RAB11FIP4: variants seen among roughly 807,000 people sequenced by gnomAD.
The protein encoded by RAB11FIP4 is rab11 family-interacting protein 4.
In RAB11FIP4, 23 loss-of-function variants were observed where a neutral mutation model predicts 74.3. That is an observed-to-expected ratio of 0.31 (90% CI 0.22 to 0.44). The LOEUF is 0.44. RAB11FIP4 is among the 20% of genes least tolerant of loss of function. The pLI, the probability that RAB11FIP4 is intolerant of heterozygous loss-of-function variation, is 1.00. For synonymous variants in RAB11FIP4, 360 were observed against 359.9 expected, an observed-to-expected ratio of 1.00 and a Z score of 0.00; for missense variants, 630 against 863.9, an observed-to-expected ratio of 0.73 and a Z score of 3.39.
At chr17:31,521,606 A>C (rs949225646) in intron 5 of RAB11FIP4, among the ~76,000 whole-genome samples, 2 of 151,998 alleles carry the variant, frequency 1.3e-5, no homozygotes, top group Admixed American at 6.6e-5. Context: ...GTCATCTTGT[A>C]TCCTAGAACC....
intron 3 of RAB11FIP4, among the ~76,000 whole-genome samples, chr17:31,437,843 G>A (rs964834368): frequency 3.2e-4 from 48 of 152,254 alleles, no homozygotes; most frequent in Middle Eastern, 3.4e-3. Flanking sequence ...GGCCCCTGGG[G>A]TTGCTGTCCA....
At chr17:31,412,653 G>A (rs1466191663) in intron 1 of RAB11FIP4, among the ~76,000 whole-genome samples, 2 of 152,172 alleles carry the variant, frequency 1.3e-5, no homozygotes, top group Non-Finnish European at 2.9e-5. Context: ...GCTGCCCACA[G>A]AGCCTGGGAG....
At chr17:31,398,509 G>T (rs935987249) in intron 1 of RAB11FIP4, among the ~76,000 whole-genome samples, 1 of 152,310 alleles carries the variant, frequency 6.6e-6, no homozygotes, top group Admixed American at 6.5e-5. Context: ...GACCTGAATG[G>T]GGGACATATA....
At chr17:31,394,834 G>A (rs1597892997) in intron 1 of RAB11FIP4, among the ~76,000 whole-genome samples, 1 of 149,290 alleles carries the variant, frequency 6.7e-6, no homozygotes, top group African/African-American at 2.5e-5. Flanking sequence ...TGTATTGACC[G>A]AGACCCGTGG....
intron 3 of RAB11FIP4, among the ~76,000 whole-genome samples, chr17:31,477,709 T>C (rs1354970029): frequency 6.6e-6 from 1 of 152,182 alleles, no homozygotes; most frequent in Non-Finnish European, 1.5e-5. Context: ...GATGGTTACT[T>C]TGGGGAAGTT....
chr17:31,403,659 C>T (rs2071016842), intron 1 of RAB11FIP4, among the ~76,000 whole-genome samples: 1 of 152,172 alleles, frequency 6.6e-6, no homozygotes, highest in African/African-American at 2.4e-5. Flanking sequence ...GTCATCACGG[C>T]AACCAGGAGC....
intron 14 of RAB11FIP4, among the ~76,000 whole-genome samples, chr17:31,530,815 C>T (rs2072858176): frequency 6.6e-6 from 1 of 152,186 alleles, no homozygotes; most frequent in Admixed American, 6.5e-5. Flanking sequence ...AGAGGGAGGA[C>T]ATTAGCATTT....
chr17:31,531,526 G>A (rs1488290023), intron 14 of RAB11FIP4, 90 bp from the exon 15 acceptor site: 1 of 831,042 alleles, frequency 1.2e-6, no homozygotes, highest in Non-Finnish European at 2.0e-6. Context: ...CTATTGTCAG[G>A]CACTGGCCTG....
At chr17:31,464,539 C>T (rs2071665445) in intron 3 of RAB11FIP4, among the ~76,000 whole-genome samples, 2 of 152,016 alleles carry the variant, frequency 1.3e-5, no homozygotes, top group Admixed American at 1.3e-4. Context: ...GCAACCTCCA[C>T]CTCCCAGGTT....
chr17:31,475,523 C>T (rs959116780), intron 3 of RAB11FIP4, among the ~76,000 whole-genome samples: 1 of 152,220 alleles, frequency 6.6e-6, no homozygotes, highest in Non-Finnish European at 1.5e-5. Context: ...ACCCCTGTGA[C>T]ACAGATACAG....
intron 9 of RAB11FIP4, chr17:31,524,719 C>T (rs969776348): frequency 3.1e-5 from 8 of 261,618 alleles, no homozygotes; most frequent in East Asian, 1.0e-4. Context: ...TTTTGGGAGT[C>T]AAGGTGCCCA....
intron 3 of RAB11FIP4, among the ~76,000 whole-genome samples, chr17:31,457,707 G>A (rs79554585): frequency 7.2e-6 from 1 of 139,142 alleles, no homozygotes; most frequent in Non-Finnish European, 1.6e-5. Context: ...CCCCAGCCCC[G>A]CAGGTGGCCA....
intron 3 of RAB11FIP4, among the ~76,000 whole-genome samples, chr17:31,454,819 G>C (rs1011066191): frequency 5.9e-5 from 9 of 152,276 alleles, no homozygotes; most frequent in Middle Eastern, 6.8e-3. Context: ...AGGAGGCAGA[G>C]GTTTCAGTGA....
In RAB11FIP4 at chr17:31,517,856, G is replaced by T. The variant is rs1196273271; in HGVS notation, c.542G>T (p.Gly181Val). 1.3e-6 allele frequency: 2 copies of T among 1,551,558 alleles called. No homozygotes were observed. The highest frequency in any genetic ancestry group is 1.7e-6 in the Non-Finnish European group (2 of 1,146,974). The part of the protein sequence containing the change: ...SPAEKDGGLG[G>V]LFLPEDKSLV... The stretch of plus-strand genomic sequence containing the variant: ...GCCGAGAAGGACGGGGGACTTGGGG[G>T]CCTGTTTCTGCCAGAAGACAAGTGA... The change falls in exon 4 of 15, where the codon GGC becomes GTC. Residue 181 changes from glycine (G) to valine (V), a missense_variant. Gly to Val is a moderately radical substitution (Grantham distance 109). Transcript: ENST00000621161.
chr17:31,391,957 C>T lies in RAB11FIP4; in HGVS notation c.105C>T (p.Phe35=). The change falls in exon 1 of 15, where the codon TTC becomes TTT. Residue 35 remains phenylalanine (F), a synonymous_variant. Transcript: ENST00000621161. ...TGTGCGGCCGCGACCCCGACGGCTT[C>T]CTGCGCGTGGAGCGCGTCGCGGCGC... ...FEVCGRDPDG[F]LRVERVAALG... 2 of 1,384,508 alleles carry T rather than the reference C, an allele frequency of 1.4e-6. No homozygotes were observed. The highest frequency in any genetic ancestry group is 1.9e-6 in the Non-Finnish European group (2 of 1,065,730). The allele number at this position is 1,384,508 out of a possible 1,614,324, so 85.8% of individuals were successfully genotyped here. A position where few individuals can be genotyped will look rare whatever the true frequency, so the allele number is the denominator to read the frequency against.
intron 2 of RAB11FIP4, among the ~76,000 whole-genome samples, chr17:31,432,903 A>G (rs923472473): frequency 6.6e-6 from 1 of 152,094 alleles, no homozygotes; most frequent in African/African-American, 2.4e-5. Flanking sequence ...AGGCAGGCGG[A>G]TTGCTTGATC....
At chr17:31,520,423 T>C (rs2072640705) in intron 4 of RAB11FIP4, among the ~76,000 whole-genome samples, 1 of 152,190 alleles carries the variant, frequency 6.6e-6, no homozygotes, top group South Asian at 2.1e-4. Context: ...CTCCTTAAAG[T>C]GAAAGCAAGT....
intron 1 of RAB11FIP4, among the ~76,000 whole-genome samples, chr17:31,420,701 ATTAT>A (rs2071190952): frequency 6.6e-6 from 1 of 150,420 alleles, no homozygotes; most frequent in Admixed American, 6.6e-5. Flanking sequence ...TCTTATCTTT[ATTAT>A]TTCTTTCCTC....
At chr17:31,492,270 C>G (rs1005308942) in intron 3 of RAB11FIP4, among the ~76,000 whole-genome samples, 6 of 152,208 alleles carry the variant, frequency 3.9e-5, no homozygotes, top group Non-Finnish European at 8.8e-5. Flanking sequence ...CAGGGAGTCA[C>G]TCCCACATTT....
Sources: gnomAD v4.1 joint callset for allele counts (sites outside exome capture counted in the v4.1 genomes callset) on GRCh38, gnomAD v4.1.1 for gene constraint, MANE v1.5 for transcripts, NCBI Gene and HGNC (gene_info 2026-07-23, HGNC 2026-07-21) for gene names.